Variants in GFPT2 observed in about 807,000 individuals in gnomAD.
GFPT2 encodes glutamine--fructose-6-phosphate aminotransferase [isomerizing] 2.
GFPT2 carries 62 observed loss-of-function variants against 85.6 expected under a neutral mutation model. That is an observed-to-expected ratio of 0.72 (90% confidence interval 0.59 to 0.90). The LOEUF (loss-of-function observed/expected upper bound fraction) is 0.90. Among genes scored for constraint, GFPT2 ranks in the 40% least tolerant of loss-of-function variants. The pLI, the probability that GFPT2 is intolerant of heterozygous loss-of-function variation, is 0.00. For missense variants in GFPT2, 788 were observed against 893.4 expected (o/e 0.88, Z 1.50); for synonymous variants, 368 against 344.5 (o/e 1.07, Z -0.75).
At chr5:180,350,040 G>A (rs893372434) in intron 1 of GFPT2, among the ~76,000 whole-genome samples, 4 of 152,072 alleles carry the variant, frequency 2.6e-5, no homozygotes, top group South Asian at 4.1e-4. Context: ...CCAGCCCAGC[G>A]TGCCTGCCAC....
At chr5:180,333,963 G>T (rs1280624556) in intron 4 of GFPT2, among the ~76,000 whole-genome samples, 3 of 152,250 alleles carry the variant, frequency 2.0e-5, no homozygotes, top group Middle Eastern at 3.4e-3. Context: ...AACATCTCAG[G>T]GCACATGGTC....
intron 13 of GFPT2, among the ~76,000 whole-genome samples, chr5:180,315,457 C>CCAT (rs1369169023): frequency 1.3e-5 from 2 of 151,818 alleles, no homozygotes; most frequent in Admixed American, 6.5e-5. Context: ...GGATTACAGG[C>CCAT]GTGAGCCACC....
chr5:180,344,118 CAG>C (rs1764567246), intron 1 of GFPT2, among the ~76,000 whole-genome samples: 1 of 152,196 alleles, frequency 6.6e-6, no homozygotes, highest in Non-Finnish European at 1.5e-5. Flanking sequence ...CAGCCCTCAA[CAG>C]AGAGCAAGGG....
chr5:180,346,167 G>A (rs1316748308), intron 1 of GFPT2, among the ~76,000 whole-genome samples: 1 of 152,128 alleles, frequency 6.6e-6, no homozygotes, highest in African/African-American at 2.4e-5. Flanking sequence ...TGTGTGAAGA[G>A]ACTGTGGTTC....
rs11557568 is a variant in GFPT2 at position 180,302,468 on chromosome 5, C to T, written c.1959G>A (p.Pro653=). The change falls in exon 18 of 19, where the codon CCG becomes CCA. Residue 653 remains proline, a synonymous_variant. Coordinates refer to ENST00000253778, the MANE Select transcript of GFPT2 (RefSeq NM_005110.4). ...DCLQGILSVI[P]LQLLSFHLAV... Reference sequence around the variant, plus strand: ...CCAGGTGGAAGGACAGCAGCTGCAGCGGAATCACGCTCAGGATGCCCTGGA... The same window carrying T: ...CCAGGTGGAAGGACAGCAGCTGCAGTGGAATCACGCTCAGGATGCCCTGGA... 0.011 allele frequency: 17,206 copies of T among 1,613,990 alleles called. 111 individuals are homozygous for T. Among genetic ancestry groups the T allele is most frequent in the Non-Finnish European group, 0.013 (15,620 of 1,179,914 alleles).
chr5:180,350,409 C>T (rs997491114), intron 1 of GFPT2, among the ~76,000 whole-genome samples: 2 of 152,208 alleles, frequency 1.3e-5, no homozygotes, highest in Admixed American at 6.5e-5. Context: ...CCTGTTCGGC[C>T]AGTACTCTAC....
At chr5:180,307,836 G>C (rs1156358878) in intron 15 of GFPT2, among the ~76,000 whole-genome samples, 1 of 152,270 alleles carries the variant, frequency 6.6e-6, no homozygotes, top group Non-Finnish European at 1.5e-5. Flanking sequence ...CTGAGGACCA[G>C]GCGTGGTGGC....
At chr5:180,335,449 T>C (rs909352225) in intron 4 of GFPT2, among the ~76,000 whole-genome samples, 19 of 152,198 alleles carry the variant, frequency 1.2e-4, no homozygotes, top group African/African-American at 4.6e-4. Context: ...AACCCATCCT[T>C]GCCTGAAGGG....
intron 1 of GFPT2, among the ~76,000 whole-genome samples, chr5:180,342,214 C>G (rs1427879714): frequency 6.6e-6 from 1 of 152,106 alleles, no homozygotes; most frequent in Non-Finnish European, 1.5e-5. Context: ...TCGTAAATTG[C>G]CCAGTCTTGG....
intron 1 of GFPT2, among the ~76,000 whole-genome samples, chr5:180,346,558 C>T (rs139086204): frequency 2.0e-5 from 3 of 152,360 alleles, no homozygotes; most frequent in South Asian, 2.1e-4. Context: ...CACCGCGTGA[C>T]GTCAACCCCT....
chr5:180,302,596 A>T lies in GFPT2; in HGVS notation c.1843-12T>A. Reference sequence around the variant, plus strand: ...ATAATGGGGCGACCCTAGAGCAGAGAAATAGCATCATAAAATAGACCCTCT... The same window carrying T: ...ATAATGGGGCGACCCTAGAGCAGAGTAATAGCATCATAAAATAGACCCTCT... On this transcript the variant is annotated splice_polypyrimidine_tract_variant and intron_variant, in intron 17 of 18. Transcript: ENST00000253778. 6.2e-7 allele frequency: 1 copy of T among 1,602,160 alleles called. No individual in the cohort carries two copies. The highest frequency in any genetic ancestry group is 1.1e-5 in the South Asian group (1 of 90,458).
chr5:180,329,971 C>T (rs1326821014), intron 6 of GFPT2, among the ~76,000 whole-genome samples: 1 of 152,246 alleles, frequency 6.6e-6, no homozygotes, highest in Admixed American at 6.5e-5. Flanking sequence ...CTCTCTCCCT[C>T]TCTCCCTCTT....
chr5:180,339,572 G>A (rs1417541959), intron 1 of GFPT2, among the ~76,000 whole-genome samples: 2 of 152,158 alleles, frequency 1.3e-5, no homozygotes, highest in Non-Finnish European at 2.9e-5. Context: ...TGTTGGTTCT[G>A]CCTTCCAGAT....
chr5:180,339,545 CAG>C (rs984967666), intron 1 of GFPT2, among the ~76,000 whole-genome samples: 1 of 152,200 alleles, frequency 6.6e-6, no homozygotes, highest in African/African-American at 2.4e-5. Flanking sequence ...ATTTTCCAAA[CAG>C]AAAGTTAGCC....
chr5:180,319,220 T>C (rs1017261171), intron 9 of GFPT2, among the ~76,000 whole-genome samples: 1 of 152,060 alleles, frequency 6.6e-6, no homozygotes, highest in Non-Finnish European at 1.5e-5. Flanking sequence ...TCTAAAACTA[T>C]TTTAACCTAC....
Position 180,318,398 on chromosome 5 carries a change from G to A in GFPT2, c.958+395C>T, listed in dbSNP as rs1283454736. 6.6e-6 allele frequency among the ~76,000 whole-genome samples: 1 copy of A among 152,138 alleles called. No individual in the cohort carries two copies. Among genetic ancestry groups the A allele is most frequent in the Non-Finnish European group, 1.5e-5 (1 of 68,024 alleles). On this transcript the variant is annotated intron_variant, in intron 10 of 18. Coordinates refer to ENST00000253778, the MANE Select transcript of GFPT2 (RefSeq NM_005110.4). This position sits in a 1 kb window ranked among gnomAD's most constrained non-coding sequence, Gnocchi z 4.2. ...AGAGGTTGTAAGGGGACAGAAATGG[G>A]TGCAGACAGAGAGGCTCTCCTTGTA...
At chr5:180,308,938 C>T (rs1031959438) in intron 15 of GFPT2, among the ~76,000 whole-genome samples, 6 of 151,518 alleles carry the variant, frequency 4.0e-5, no homozygotes, top group Non-Finnish European at 8.8e-5. Context: ...GGCACGATCT[C>T]GGCTCACTGT....
At chr5:180,350,065 A>G (rs1764682833) in intron 1 of GFPT2, among the ~76,000 whole-genome samples, 1 of 151,984 alleles carries the variant, frequency 6.6e-6, no homozygotes, top group Admixed American at 6.6e-5. Flanking sequence ...TCCTCTCTGC[A>G]GGGCCCGTGC....
rs1764161487 is a variant in GFPT2, at chr5:180,323,561, A to G, written c.794+627T>C. 6.6e-6 allele frequency among the ~76,000 whole-genome samples: 1 copy of G among 151,608 alleles called. No homozygotes were observed. The highest frequency in any genetic ancestry group is 1.5e-5 in the Non-Finnish European group (1 of 67,896). ...CTCTCTCTCTCTCTGTGTGTGTGTG[A>G]GTGTGTGTATAACTTTTTTTTTTTC... On this transcript the variant is annotated intron_variant, in intron 9 of 18. Coordinates refer to ENST00000253778, the MANE Select transcript of GFPT2 (RefSeq NM_005110.4). The surrounding 1 kb of genome is among the most constrained non-coding windows in gnomAD (Gnocchi z 4.0).
Sources: gnomAD v4.1 joint callset for allele counts (sites outside exome capture counted in the v4.1 genomes callset) on GRCh38, gnomAD v4.1.1 for gene constraint, Gnocchi (gnomAD v3.1) non-coding constraint, MANE v1.5 for transcripts, NCBI Gene and HGNC (gene_info 2026-07-23, HGNC 2026-07-21) for gene names.